AKR1C3: variants seen among roughly 807,000 people sequenced by gnomAD.
AKR1C3 encodes the protein aldo-keto reductase family 1 member C3, also known as 3-alpha hydroxysteroid dehydrogenase, type II.
AKR1C3 carries 48 observed loss-of-function variants against 43.6 expected under a neutral mutation model. The ratio of observed to expected loss-of-function variants is 1.10; its 90% CI spans 0.87 to 1.40. The LOEUF (loss-of-function observed/expected upper bound fraction) is 1.40, where lower values mean the gene tolerates loss of function less well. Among genes scored for constraint, AKR1C3 ranks in the 40% most tolerant of loss-of-function variants. AKR1C3 has a pLI of 0.00. For missense variants in AKR1C3, 482 were observed against 391.2 expected, an observed-to-expected ratio of 1.23 and a Z score of -1.96; for synonymous variants, 162 against 139.6, an observed-to-expected ratio of 1.16 and a Z score of -1.13.
intron 1 of AKR1C3, among the ~76,000 whole-genome samples, chr10:5,085,538 T>G (rs1459462274): frequency 2.6e-5 from 4 of 151,778 alleles, no homozygotes; most frequent in Non-Finnish European, 5.9e-5. Flanking sequence ...AAAATTCTCT[T>G]TTTTTGTTGT....
chr10:5,099,588 G>C, intron 5 of AKR1C3, 139 bp downstream of exon 5: 2 of 1,450,466 alleles, frequency 1.4e-6, no homozygotes, highest in South Asian at 1.4e-5. Flanking sequence ...TGTCAAGAAA[G>C]GCGTGAAGAT....
intron 1 of AKR1C3, among the ~76,000 whole-genome samples, chr10:5,085,039 T>C (rs1323081689): frequency 6.6e-6 from 1 of 152,176 alleles, no homozygotes; most frequent in Non-Finnish European, 1.5e-5. Context: ...ACAATTTGAC[T>C]TCTTCTTTTC....
rs1351026866 is a variant in AKR1C3 at position 5,094,509 on chromosome 10, G to A, written c.65G>A (p.Gly22Asp). The A allele has an allele frequency of 3.1e-6, 5 of 1,612,756 alleles. No homozygotes were observed. In the Admixed American group the frequency reaches 5.0e-5, roughly 16 times the overall value. ...CACTTCATGCCTGTATTGGGATTTGGCACCTATGCACCTCCAGAGGTAAGA... is the reference window on the plus strand; with the variant it reads ...CACTTCATGCCTGTATTGGGATTTGACACCTATGCACCTCCAGAGGTAAGA... ...DGHFMPVLGFGTYAPPEVPRS... is the reference protein window; with the variant it reads ...DGHFMPVLGFDTYAPPEVPRS... The change falls in exon 1 of 9, where the codon GGC (glycine) becomes GAC (aspartate). Residue 22 changes from glycine (G) to aspartate (D), a missense_variant. Coordinates refer to ENST00000380554, the MANE Select transcript of AKR1C3 (RefSeq NM_003739.6).
At chr10:5,064,628 G>A (rs575397243) in intron 1 of AKR1C3, among the ~76,000 whole-genome samples, 2 of 152,242 alleles carry the variant, frequency 1.3e-5, no homozygotes, top group East Asian at 1.9e-4. Flanking sequence ...CACACACTAT[G>A]CATCTGATGA....
intron 4 of AKR1C3, 98 bp downstream of exon 4, chr10:5,098,977 C>T: frequency 9.6e-7 from 1 of 1,040,554 alleles, no homozygotes; most frequent in South Asian, 1.6e-5. Context: ...ACCATTAGAT[C>T]TAGAAATTCA....
At chr10:5,086,374 A>T (rs1439472856) in intron 1 of AKR1C3, among the ~76,000 whole-genome samples, 1 of 151,470 alleles carries the variant, frequency 6.6e-6, no homozygotes, top group Non-Finnish European at 1.5e-5. Flanking sequence ...GTTTCCATGT[A>T]GTTGAGCAGT....
intron 7 of AKR1C3, among the ~76,000 whole-genome samples, chr10:5,104,246 TAGTTG>T (rs1368811579): frequency 1.3e-5 from 2 of 152,138 alleles, no homozygotes; most frequent in African/African-American, 4.8e-5. Context: ...ACTTATAAAT[TAGTTG>T]TAAATTCAAA....
intron 8 of AKR1C3, among the ~76,000 whole-genome samples, chr10:5,106,180 C>T (rs1250518018): frequency 1.3e-5 from 2 of 151,990 alleles, no homozygotes; most frequent in East Asian, 1.9e-4. Flanking sequence ...AATGTTTTTC[C>T]TCCTTCTCCT....
At chr10:5,085,077 C>T (rs377655281) in intron 1 of AKR1C3, among the ~76,000 whole-genome samples, 2 of 152,094 alleles carry the variant, frequency 1.3e-5, no homozygotes, top group Admixed American at 6.6e-5. Context: ...ATTTCCTTCT[C>T]CTGCCTGATT....
intron 2 of AKR1C3, among the ~76,000 whole-genome samples, chr10:5,096,968 G>A (rs927456369): frequency 6.6e-6 from 1 of 152,092 alleles, no homozygotes; most frequent in African/African-American, 2.4e-5. Context: ...AAAGCTCTGG[G>A]AGTATTAAAT....
chr10:5,098,671 C>T (rs1839273182), intron 3 of AKR1C3, 131 bp from the exon 4 acceptor site: 2 of 718,438 alleles, frequency 2.8e-6, no homozygotes, highest in East Asian at 5.4e-5. Context: ...AAACACTTAG[C>T]ACATATCACT....
chr10:5,104,562 TTGAC>T (rs1313228290), intron 7 of AKR1C3, among the ~76,000 whole-genome samples: 18 of 152,186 alleles, frequency 1.2e-4, no homozygotes, highest in East Asian at 1.9e-4. Flanking sequence ...TTGATTATTC[TTGAC>T]TGACTATTCT....
At chr10:5,090,298 T>C (rs889130194), upstream of AKR1C3, among the ~76,000 whole-genome samples, 2 of 152,064 alleles carry the variant, frequency 1.3e-5, no homozygotes, top group African/African-American at 4.8e-5. Flanking sequence ...CCAGAGAAAC[T>C]TCTGTTGTAA....
chr10:5,070,978 A>T (rs1487987839), intron 1 of AKR1C3, among the ~76,000 whole-genome samples: 2 of 152,162 alleles, frequency 1.3e-5, no homozygotes, highest in Non-Finnish European at 2.9e-5. Flanking sequence ...CTGATAGGTG[A>T]TCTTCATGTC....
At chr10:5,071,791 G>C (rs1376872544) in intron 1 of AKR1C3, among the ~76,000 whole-genome samples, 3 of 152,210 alleles carry the variant, frequency 2.0e-5, no homozygotes, top group African/African-American at 7.2e-5. Flanking sequence ...AGCAAACCCA[G>C]AGGGACTAAT....
intron 1 of AKR1C3, among the ~76,000 whole-genome samples, chr10:5,095,254 G>A (rs1324198167): frequency 6.6e-6 from 1 of 152,002 alleles, no homozygotes; most frequent in Non-Finnish European, 1.5e-5. Context: ...CTGTCCTCAG[G>A]CTACTAAGTG....
At chr10:5,071,332 ACT>A (rs1554781295) in intron 1 of AKR1C3, among the ~76,000 whole-genome samples, 1 of 151,904 alleles carries the variant, frequency 6.6e-6, no homozygotes, top group African/African-American at 2.4e-5. Flanking sequence ...AGTGGCAGAG[ACT>A]CTCCCTGCTC....
chr10:5,074,269 T>C (rs1194420961), intron 1 of AKR1C3, among the ~76,000 whole-genome samples: 1 of 152,168 alleles, frequency 6.6e-6, no homozygotes. Context: ...GTCATGGTCA[T>C]TTGTCCTCAA....
intron 1 of AKR1C3, among the ~76,000 whole-genome samples, chr10:5,071,591 T>G (rs1253069998): frequency 6.6e-6 from 1 of 152,220 alleles, no homozygotes; most frequent in African/African-American, 2.4e-5. Context: ...TGTAAGGATC[T>G]GAACACACCC....
Sources: gnomAD v4.1 joint callset for allele counts (sites outside exome capture counted in the v4.1 genomes callset) on GRCh38, gnomAD v4.1.1 for gene constraint, MANE v1.5 for transcripts, NCBI Gene and HGNC (gene_info 2026-07-23, HGNC 2026-07-21) for gene names.